Variants in LRBA observed in about 807,000 individuals in gnomAD.
The protein encoded by LRBA is lipopolysaccharide-responsive and beige-like anchor protein.
Under a neutral mutation model 330.0 loss-of-function variants are expected in LRBA, and 176 were observed. The ratio of observed to expected loss-of-function variants is 0.53; its 90% CI spans 0.47 to 0.60. The LOEUF is 0.60. Ranked by LOEUF, LRBA falls within the 20% of genes least tolerant of loss-of-function variation. The probability of loss-of-function intolerance (pLI) is 0.00; values close to 1 mark genes in which losing one functional copy is unlikely to be tolerated. For synonymous variants in LRBA, 1,230 were observed against 1,193.0 expected (o/e 1.03, Z -0.64); for missense variants, 3,259 against 3,444.8 (o/e 0.95, Z 1.35).
At chr4:150,536,317 T>C (rs1764652929) in intron 40 of LRBA, among the ~76,000 whole-genome samples, 1 of 152,228 alleles carries the variant, frequency 6.6e-6, no homozygotes, top group Non-Finnish European at 1.5e-5. Flanking sequence ...TTATTAATAA[T>C]TTCATTAGAT....
chr4:150,502,258 T>C (rs1039418492), intron 40 of LRBA, among the ~76,000 whole-genome samples: 1 of 152,206 alleles, frequency 6.6e-6, no homozygotes, highest in Non-Finnish European at 1.5e-5. Flanking sequence ...CAAAAGGGTT[T>C]TGCCACAGAA....
chr4:151,004,151 C>G (rs1205458455), intron 2 of LRBA, among the ~76,000 whole-genome samples: 2 of 152,206 alleles, frequency 1.3e-5, no homozygotes, highest in East Asian at 3.9e-4. Context: ...CAATTCTCTG[C>G]CCGGCCTCCC....
In LRBA at chr4:150,848,842, T is replaced by C; in HGVS notation, c.4315A>G (p.Ile1439Val). ...EAEKSMSSGG[I>V]LRQCLRLVCA... is the part of the protein sequence containing the mutation. ...CCTAGTCGGAGACACTGCCGCAAAATTCCTCCAGATGACATACTTTTTTCA... is the reference window on the plus strand; with the variant it reads ...CCTAGTCGGAGACACTGCCGCAAAACTCCTCCAGATGACATACTTTTTTCA... The change falls in exon 26 of 57, where the codon ATT becomes GTT. Residue 1439 changes from isoleucine (I) to valine (V), a missense_variant. Physicochemically the swap from Ile to Val is conservative, Grantham distance 29. Transcript: ENST00000651943. 1 of 1,606,790 alleles carries C rather than the reference T, an allele frequency of 6.2e-7. No homozygotes were observed. Among genetic ancestry groups the C allele is most frequent in the Non-Finnish European group, 8.5e-7 (1 of 1,177,170 alleles).
intron 37 of LRBA, among the ~76,000 whole-genome samples, chr4:150,679,828 A>T (rs988551770): frequency 3.9e-5 from 6 of 152,170 alleles, no homozygotes; most frequent in African/African-American, 1.4e-4. Context: ...AGCTCTACCT[A>T]TGCATTTTTT....
At chr4:150,325,042 A>G (rs1476929766) in intron 49 of LRBA, among the ~76,000 whole-genome samples, 4 of 152,220 alleles carry the variant, frequency 2.6e-5, no homozygotes, top group South Asian at 2.1e-4. Context: ...GCTTTGACCA[A>G]TGAAATGTGG....
At chr4:150,428,928 C>T (rs1213633699) in intron 46 of LRBA, among the ~76,000 whole-genome samples, 1 of 152,052 alleles carries the variant, frequency 6.6e-6, no homozygotes, top group Non-Finnish European at 1.5e-5. Context: ...TGCTCAGAAC[C>T]CTCTTCCTCA....
At chr4:150,427,393 A>T (rs1749780254) in intron 46 of LRBA, among the ~76,000 whole-genome samples, 1 of 152,056 alleles carries the variant, frequency 6.6e-6, no homozygotes, top group Non-Finnish European at 1.5e-5. Flanking sequence ...ACAAACTTCA[A>T]TACTTAATTA....
At chr4:150,476,259 T>TTAGCTGCA (rs1470633468) in intron 42 of LRBA, among the ~76,000 whole-genome samples, 2 of 152,162 alleles carry the variant, frequency 1.3e-5, no homozygotes, top group Non-Finnish European at 2.9e-5. Flanking sequence ...TAATACTACT[T>TTAGCTGCA]TAGCTGCATC....
intron 2 of LRBA, among the ~76,000 whole-genome samples, chr4:150,998,268 G>A (rs1209220482): frequency 2.7e-5 from 4 of 150,568 alleles, no homozygotes; most frequent in Admixed American, 6.7e-5. Context: ...CAGGAGAATC[G>A]TTTGAACCCA....
chr4:150,635,559 A>G (rs928783968), intron 37 of LRBA, among the ~76,000 whole-genome samples: 1 of 152,156 alleles, frequency 6.6e-6, no homozygotes, highest in Non-Finnish European at 1.5e-5. Context: ...CTTGTTGTAT[A>G]TGAACTTGTT....
chr4:150,603,867 T>C (rs1774363226), intron 37 of LRBA, among the ~76,000 whole-genome samples: 1 of 152,142 alleles, frequency 6.6e-6, no homozygotes, highest in African/African-American at 2.4e-5. Context: ...GATAGATTAT[T>C]AAATTTTTAG....
chr4:150,285,014 G>C (rs1485361379), intron 54 of LRBA, among the ~76,000 whole-genome samples: 1 of 152,264 alleles, frequency 6.6e-6, no homozygotes. Context: ...TGAAATTATT[G>C]AGTATAAGGG....
intron 22 of LRBA, among the ~76,000 whole-genome samples, chr4:150,856,551 T>C (rs1423010426): frequency 2.0e-5 from 3 of 152,350 alleles, no homozygotes; most frequent in South Asian, 4.1e-4. Context: ...AAACCACAGA[T>C]AGAAAAGCAT....
chr4:150,854,995 C>T (rs915996052), intron 22 of LRBA, among the ~76,000 whole-genome samples: 5 of 152,158 alleles, frequency 3.3e-5, no homozygotes, highest in Non-Finnish European at 5.9e-5. Context: ...CGGTGGCTCA[C>T]GCCTGTAATC....
intron 37 of LRBA, among the ~76,000 whole-genome samples, chr4:150,672,351 TC>T (rs922148189): frequency 3.3e-5 from 5 of 151,530 alleles, no homozygotes; most frequent in Non-Finnish European, 7.4e-5. Flanking sequence ...TTCGATTTTT[TC>T]TTTTTTTTTT....
intron 40 of LRBA, among the ~76,000 whole-genome samples, chr4:150,553,052 G>C (rs1384508517): frequency 4.0e-5 from 6 of 150,688 alleles, no homozygotes; most frequent in African/African-American, 7.4e-5. Context: ...CTGGGCGACA[G>C]AGCGAGGCTC....
rs115433233 is a variant in LRBA, at chr4:150,315,678, C to T, written c.7631-55G>A. 2.4e-3 allele frequency: 2,309 copies of T among 978,770 alleles called. 34 individuals carry two copies. In the African/African-American group the frequency reaches 0.034, roughly 15 times the overall value. 60.6% of individuals were successfully genotyped at this position (978,770 alleles called of 1,614,324 possible). Reference sequence around the variant, plus strand: ...GCATTATTTTTTATATACTAAACTACATAAAAATGCATAAGTCAAACCTTA... The same window carrying T: ...GCATTATTTTTTATATACTAAACTATATAAAAATGCATAAGTCAAACCTTA... On this transcript the variant is annotated intron_variant, in intron 50 of 56. Coordinates refer to ENST00000651943, the MANE Select transcript of LRBA (RefSeq NM_001364905.1).
rs6845212 is a variant in LRBA, at chr4:150,600,781, T to G, written c.5922-1650A>C. 5.8e-3 allele frequency among the ~76,000 whole-genome samples: 890 copies of G among 152,286 alleles called. 8 individuals are homozygous for G. The highest frequency in any genetic ancestry group is 0.02 in the African/African-American group (838 of 41,564). On this transcript the variant is annotated intron_variant, in intron 37 of 56. Coordinates refer to ENST00000651943, the MANE Select transcript of LRBA (RefSeq NM_001364905.1). ...ATACATACAATCAAAAGACAACAGTTGTTTTAACTCAATTAATAAAATGAA... is the reference window on the plus strand; with the variant it reads ...ATACATACAATCAAAAGACAACAGTGGTTTTAACTCAATTAATAAAATGAA...
At chr4:150,831,483 A>C (rs1452052702) in intron 29 of LRBA, among the ~76,000 whole-genome samples, 1 of 152,182 alleles carries the variant, frequency 6.6e-6, no homozygotes, top group East Asian at 1.9e-4. Context: ...TTAATACTCC[A>C]ATTATTGCAG....
Sources: gnomAD v4.1 joint callset for allele counts (sites outside exome capture counted in the v4.1 genomes callset) on GRCh38, gnomAD v4.1.1 for gene constraint, MANE v1.5 for transcripts, NCBI Gene and HGNC (gene_info 2026-07-23, HGNC 2026-07-21) for gene names.